Variants in OR7A10 observed in about 807,000 individuals in gnomAD.
OR7A10 encodes olfactory receptor 7A10.
For synonymous variants in OR7A10, 144 were observed against 144.5 expected, an observed-to-expected ratio of 1.00 and a Z score of 0.02; for missense variants, 358 against 370.1, an observed-to-expected ratio of 0.97 and a Z score of 0.27.
intron 1 of OR7A10, among the ~76,000 whole-genome samples, chr19:14,844,991 C>T (rs1000070090): frequency 2.0e-5 from 3 of 151,352 alleles, no homozygotes; most frequent in African/African-American, 4.8e-5. Context: ...TACAAGTTGC[C>T]TTTTGGAATA....
intron 1 of OR7A10, 143 bp downstream of exon 1, chr19:14,848,357 A>G (rs1254242366): frequency 2.0e-5 from 3 of 152,192 alleles, no homozygotes; most frequent in African/African-American, 7.2e-5. Flanking sequence ...AAATGAAGAT[A>G]TGAATCAATT....
At chr19:14,844,664 G>GTTTTTTTTTTTTGTTTTTTTTTTTTTTTT (rs2044931826) in intron 1 of OR7A10, among the ~76,000 whole-genome samples, 2 of 97,660 alleles carry the variant, frequency 2.0e-5, no homozygotes, top group African/African-American at 4.0e-5. Flanking sequence ...TGAGTTCTGT[G>GTTTTTTTTTTTTGTTTTTTTTTTTTTTTT]TTTTTTTTTT....
At chr19:14,842,197 G>C (rs960078503) in intron 1 of OR7A10, among the ~76,000 whole-genome samples, 8 of 152,308 alleles carry the variant, frequency 5.3e-5, no homozygotes, top group Non-Finnish European at 1.0e-4. Context: ...CGTAATAGGT[G>C]TTCGATCCTT....
chr19:14,840,909 AGC>A lies in OR7A10; in HGVS notation c.*37_*38del. On this transcript the variant is annotated 3_prime_UTR_variant, in exon 2 of 2. Transcript: ENST00000641129. ...CACCATTTCTGGCTCTGGGGCTTAG[AGC>A]TCTGAAGTCACAGGCCTTTCTTGAA... The A allele has an allele frequency of 1.4e-6, 2 of 1,420,870 alleles. No individual in the cohort carries two copies. Among genetic ancestry groups the A allele is most frequent in the Non-Finnish European group, 1.9e-6 (2 of 1,033,234 alleles). 88.0% of individuals were successfully genotyped at this position (1,420,870 alleles called of 1,614,324 possible). A position where few individuals can be genotyped will look rare whatever the true frequency, so the allele number is the denominator to read the frequency against.
chr19:14,844,219 G>A (rs1905385006), intron 1 of OR7A10, among the ~76,000 whole-genome samples: 1 of 152,182 alleles, frequency 6.6e-6, no homozygotes, highest in Admixed American at 6.5e-5. Context: ...ACATCAGGGC[G>A]TGACAGCTCC....
chr19:14,842,301 G>A (rs2044919697), intron 1 of OR7A10, among the ~76,000 whole-genome samples: 3 of 152,192 alleles, frequency 2.0e-5, no homozygotes, highest in Admixed American at 2.0e-4. Flanking sequence ...ACCCAAGCTG[G>A]AGTGCAGTGG....
chr19:14,846,527 G>A (rs1305042057), intron 1 of OR7A10, among the ~76,000 whole-genome samples: 4 of 151,662 alleles, frequency 2.6e-5, no homozygotes, highest in Non-Finnish European at 4.4e-5. Flanking sequence ...ACCAGTCATG[G>A]AAACTAAAGA....
intron 1 of OR7A10, 110 bp from the exon 2 acceptor site, chr19:14,841,999 A>T: frequency 1.5e-6 from 1 of 670,356 alleles, no homozygotes; most frequent in East Asian, 2.8e-5. Flanking sequence ...CAAGAAGTTA[A>T]TATCTTTTTC....
chr19:14,843,908 G>T (rs1316143558), intron 1 of OR7A10, among the ~76,000 whole-genome samples: 2 of 152,134 alleles, frequency 1.3e-5, no homozygotes, highest in Non-Finnish European at 2.9e-5. Context: ...ACTGGGGACT[G>T]TCGGGGGTAC....
Position 14,844,664 on chromosome 19 carries a change from G to GTTTTTTTTTTTTTTTTTT in OR7A10, c.-12-2776_-12-2775insAAAAAAAAAAAAAAAAAA, listed in dbSNP as rs1348866444. On this transcript the variant is annotated intron_variant, in intron 1 of 1. Transcript: ENST00000641129. ...TTTTCACTGTTGCCTTGAGTTCTGT[G>GTTTTTTTTTTTTTTTTTT]TTTTTTTTTTTTTTTTGAGATGGAG... Among the ~76,000 whole-genome samples the GTTTTTTTTTTTTTTTTTT allele has an allele frequency of 2.8e-3, 269 of 97,634 alleles. 29 individuals carry two copies. The highest frequency in any genetic ancestry group is 5.7e-3 in the Middle Eastern group (1 of 174). 64.1% of individuals were successfully genotyped at this position (97,634 alleles called of 152,430 possible).
At chr19:14,845,347 C>T (rs1417212575) in intron 1 of OR7A10, among the ~76,000 whole-genome samples, 2 of 151,864 alleles carry the variant, frequency 1.3e-5, no homozygotes, top group South Asian at 2.1e-4. Context: ...TGGTGGTGGG[C>T]GCCTGTAATC....
At chr19:14,847,928 TC>T (rs1165115111) in intron 1 of OR7A10, among the ~76,000 whole-genome samples, 1 of 151,358 alleles carries the variant, frequency 6.6e-6, no homozygotes, top group Non-Finnish European at 1.5e-5. Flanking sequence ...ATTGAGACCA[TC>T]CTGGCCAACA....
intron 1 of OR7A10, among the ~76,000 whole-genome samples, chr19:14,842,712 C>T (rs1224382836): frequency 1.3e-5 from 2 of 152,142 alleles, no homozygotes; most frequent in African/African-American, 2.4e-5. Context: ...TTTATTATGG[C>T]TTCGTAATAT....
intron 1 of OR7A10, among the ~76,000 whole-genome samples, chr19:14,844,448 AG>A (rs1293649308): frequency 2.6e-5 from 4 of 152,152 alleles, no homozygotes; most frequent in Non-Finnish European, 5.9e-5. Context: ...CAAGGAATCC[AG>A]TGTAGCGAGA....
chr19:14,841,762 A>G lies in OR7A10; in HGVS notation c.116T>C (p.Val39Ala), dbSNP rs2044915011. The change falls in exon 2 of 2, where the codon GTG becomes GCG. Residue 39 changes from valine to alanine, a missense_variant. Coordinates refer to ENST00000641129, the MANE Select transcript of OR7A10 (RefSeq NM_001005190.2). ...GLFLSMYLVT[V>A]LGNLLIILAT... The stretch of plus-strand genomic sequence containing the variant: ...CAGGATGATGAGCAGGTTCCCGAGC[A>G]CAGTGACCAGGTACATGGACAGGAA... 6.2e-7 allele frequency: 1 copy of G among 1,614,028 alleles called. No individual in the cohort carries two copies. The highest frequency in any genetic ancestry group is 1.1e-5 in the South Asian group (1 of 91,082).
chr19:14,844,664 G>GTTTTTTTTTTTTTTTTTTTTTTTTTTTT lies in OR7A10; in HGVS notation c.-12-2776_-12-2775insAAAAAAAAAAAAAAAAAAAAAAAAAAAA, dbSNP rs1348866444. 1.1e-3 allele frequency among the ~76,000 whole-genome samples: 108 copies of GTTTTTTTTTTTTTTTTTTTTTTTTTTTT among 97,656 alleles called. 14 individuals carry two copies. Among genetic ancestry groups the GTTTTTTTTTTTTTTTTTTTTTTTTTTTT allele is most frequent in the Admixed American group, 2.1e-3 (15 of 7,282 alleles). 64.1% of individuals were successfully genotyped at this position (97,656 alleles called of 152,430 possible). On this transcript the variant is annotated intron_variant, in intron 1 of 1. Transcript: ENST00000641129. ...TTTTCACTGTTGCCTTGAGTTCTGT[G>GTTTTTTTTTTTTTTTTTTTTTTTTTTTT]TTTTTTTTTTTTTTTTGAGATGGAG...
chr19:14,841,868 A>G lies in OR7A10; in HGVS notation c.10T>C (p.Trp4Arg), dbSNP rs369395304. 1.9e-6 allele frequency: 3 copies of G among 1,592,206 alleles called. No individual in the cohort carries two copies. The African/African-American group carries it at 4.1e-5, about 22-fold the overall frequency. Reference protein sequence around the residue: MKSWNNTIILEFLL... With the variant: MKSRNNTIILEFLL... ...AATTCTAAAATTATTGTATTGTTCC[A>G]TGATTTCATCTTGTGATGTGACTAC... Residue 4 changes from tryptophan to arginine, a missense_variant, in exon 2 of 2, where the codon TGG (tryptophan) becomes CGG (arginine). By Grantham distance (101) the Trp-to-Arg change is moderately radical. Transcript: ENST00000641129.
At chr19:14,845,725 G>A (rs368867471) in intron 1 of OR7A10, among the ~76,000 whole-genome samples, 5 of 152,120 alleles carry the variant, frequency 3.3e-5, no homozygotes, top group African/African-American at 9.7e-5. Context: ...TCATTCACTC[G>A]TTTTCTCAAT....
At chr19:14,846,742 T>C (rs927769563) in intron 1 of OR7A10, among the ~76,000 whole-genome samples, 2 of 115,828 alleles carry the variant, frequency 1.7e-5, no homozygotes, top group African/African-American at 6.3e-5. Context: ...GGAAGTAGTG[T>C]CTAAGGTTAT....
Sources: gnomAD v4.1 joint callset for allele counts (sites outside exome capture counted in the v4.1 genomes callset) on GRCh38, gnomAD v4.1.1 for gene constraint, MANE v1.5 for transcripts, NCBI Gene and HGNC (gene_info 2026-07-23, HGNC 2026-07-21) for gene names.